MAP3K15: variants seen among roughly 807,000 people sequenced by gnomAD.
MAP3K15 encodes the protein MAPK/ERK kinase kinase 15.
MAP3K15 carries 124 observed loss-of-function variants against 99.5 expected under a neutral mutation model. That is an observed-to-expected ratio of 1.25 (90% confidence interval 1.08 to 1.45). The LOEUF (loss-of-function observed/expected upper bound fraction) is 1.45. Among genes scored for constraint, MAP3K15 ranks in the 40% most tolerant of loss-of-function variants. The pLI, the probability that MAP3K15 is intolerant of heterozygous loss-of-function variation, is 0.00. For missense variants in MAP3K15, 1,242 were observed against 1,079.7 expected (o/e 1.15, Z -2.11); for synonymous variants, 494 against 439.6 (o/e 1.12, Z -1.55).
At chrX:19,364,786 G>A (rs918946354) in intron 25 of MAP3K15, among the ~76,000 whole-genome samples, 2 of 108,858 alleles carry the variant, frequency 1.8e-5, no homozygotes, top group African/African-American at 6.8e-5. Flanking sequence ...CGAGTTACTT[G>A]GGAGGCTGAG....
intron 6 of MAP3K15, among the ~76,000 whole-genome samples, chrX:19,437,342 A>T (rs1336404456): frequency 8.9e-6 from 1 of 111,750 alleles, no homozygotes; most frequent in Non-Finnish European, 1.9e-5. Context: ...ATCTTAGAGC[A>T]AACACCAATT....
Position 19,514,929 on chromosome X carries a change from C to A in MAP3K15, c.333G>T (p.Thr111=), listed in dbSNP as rs1296145758. The A allele has an allele frequency of 3.5e-6, 4 of 1,144,189 alleles. No homozygotes were observed. In the South Asian group the frequency reaches 5.7e-5, roughly 16 times the overall value. 94.3% of individuals were successfully genotyped at this position (1,144,189 alleles called of 1,213,427 possible). ...CGTCGTAGAAGGCGTCGAGCACGGC[C>A]GTCTCCCCGAAGTCCAGCTCCCCGA... is the stretch of plus-strand genomic sequence containing the variant. The part of the protein sequence containing the change: ...VPFGELDFGE[T]AVLDAFYDAD... The change falls in exon 1 of 29, where the codon ACG becomes ACT. Residue 111 remains threonine (T), a synonymous_variant. Coordinates refer to ENST00000338883, the MANE Select transcript of MAP3K15 (RefSeq NM_001001671.4).
intron 6 of MAP3K15, among the ~76,000 whole-genome samples, chrX:19,433,819 AT>A (rs1569224173): frequency 8.9e-6 from 1 of 112,266 alleles, no homozygotes; most frequent in African/African-American, 3.2e-5. Context: ...TTTTTCAAGA[AT>A]TTTTTGAACA....
Position 19,371,066 on chromosome X carries a change from T to TAA in MAP3K15, c.3295-4_3295-3dup, listed in dbSNP as rs372545551. 150 of 902,150 alleles carry TAA rather than the reference T, an allele frequency of 1.7e-4. No individual in the cohort carries two copies. Among genetic ancestry groups the TAA allele is most frequent in the African/African-American group, 6.9e-4 (30 of 43,556 alleles). The allele number at this position is 902,150 out of a possible 1,213,427, so 74.3% of individuals were successfully genotyped here. Reference sequence around the variant, plus strand: ...GTGGTTCCTCAAAATTTTATTTACCTAAAAAAAAAAAAAATAATAAAATAA... The same window carrying TAA: ...GTGGTTCCTCAAAATTTTATTTACCTAAAAAAAAAAAAAAAATAATAAAATAA... On this transcript the variant is annotated splice_region_variant and splice_polypyrimidine_tract_variant and intron_variant, in intron 23 of 28. Coordinates refer to ENST00000338883, the MANE Select transcript of MAP3K15 (RefSeq NM_001001671.4).
intron 15 of MAP3K15, 41 bp from the exon 16 acceptor site, chrX:19,395,249 A>G (rs753331277): frequency 6.4e-5 from 76 of 1,181,257 alleles, no homozygotes; most frequent in Non-Finnish European, 8.0e-5. Flanking sequence ...GCCAAATCCC[A>G]GGGACTCTAG....
In MAP3K15 at chrX:19,459,932, C is replaced by A. The variant is rs112713756; in HGVS notation, c.888+53G>T. ...TACAAATACTTCACAAGACGTTCCT[C>A]AAGCCAAGGAAGAACGTAGCATACG... On this transcript the variant is annotated intron_variant, in intron 5 of 28. Coordinates refer to ENST00000338883, the MANE Select transcript of MAP3K15 (RefSeq NM_001001671.4). 3.2e-3 allele frequency: 3,170 copies of A among 1,005,713 alleles called. 70 individuals are homozygous for A. The African/African-American group carries it at 0.054, about 17-fold the overall frequency. 82.9% of individuals were successfully genotyped at this position (1,005,713 alleles called of 1,213,427 possible).
At chrX:19,434,747 A>C (rs1394291677) in intron 6 of MAP3K15, among the ~76,000 whole-genome samples, 1 of 111,973 alleles carries the variant, frequency 8.9e-6, no homozygotes, top group Non-Finnish European at 1.9e-5. Context: ...CTCATTCCGG[A>C]TGCAGAAGAG....
Position 19,514,920 on chromosome X carries a change from G to A in MAP3K15, c.342C>T (p.Leu114=), listed in dbSNP as rs752970003. ...TCTCACCTGCGTCGTAGAAGGCGTC[G>A]AGCACGGCCGTCTCCCCGAAGTCCA... ...GELDFGETAV[L]DAFYDADVAV... is the part of the protein sequence containing the mutation. Residue 114 remains leucine (L), a synonymous_variant, in exon 1 of 29, where the codon CTC becomes CTT. Coordinates refer to ENST00000338883, the MANE Select transcript of MAP3K15 (RefSeq NM_001001671.4). The A allele has an allele frequency of 8.0e-6, 9 of 1,130,930 alleles. No homozygotes were observed. The South Asian group carries it at 1.2e-4, about 14-fold the overall frequency. 93.2% of individuals were successfully genotyped at this position (1,130,930 alleles called of 1,213,427 possible).
intron 4 of MAP3K15, 51 bp downstream of exon 4, chrX:19,464,162 G>C: frequency 9.6e-7 from 1 of 1,038,662 alleles, no homozygotes; most frequent in East Asian, 3.1e-5. Context: ...TGAAAGAAAT[G>C]GGGACATCTT....
Position 19,369,156 on chromosome X carries a change from G to A in MAP3K15, c.3464C>T (p.Ala1155Val), listed in dbSNP as rs201603186. ...TEGVDKDMDE[A>V]EEGYPPATGP... is the part of the protein sequence containing the mutation. ...GGTGGCTGGGGGATAGCCCTCTTCC[G>A]CTTCATCCATGTCCTTATCTACCCC... The change falls in exon 25 of 29, where the codon GCG (alanine) becomes GTG (valine). Residue 1155 changes from alanine (A) to valine (V), a missense_variant. By Grantham distance (64) the Ala-to-Val change is moderately conservative. Transcript: ENST00000338883. 18 of 1,210,911 alleles carry A rather than the reference G, an allele frequency of 1.5e-5. No homozygotes were observed. The highest frequency in any genetic ancestry group is 1.1e-4 in the Admixed American group (5 of 45,965).
intron 16 of MAP3K15, among the ~76,000 whole-genome samples, chrX:19,394,728 A>G (rs1479017813): frequency 3.9e-5 from 4 of 102,603 alleles, no homozygotes; most frequent in African/African-American, 1.4e-4. Context: ...CAAACCAGAA[A>G]TAGACTGCTT....
rs770880492 is a variant in MAP3K15 at position 19,451,410 on chromosome X, T to C, written c.995+5503A>G. Among the ~76,000 whole-genome samples the C allele has an allele frequency of 2.8e-5, 3 of 105,728 alleles. 1 individual carries two copies. Among genetic ancestry groups the C allele is most frequent in the Non-Finnish European group, 3.9e-5 (2 of 50,810 alleles). 91.8% of individuals were successfully genotyped at this position (105,728 alleles called of 115,157 possible). A position where few individuals can be genotyped will look rare whatever the true frequency, so the allele number is the denominator to read the frequency against. ...TATAGGAAAACAGTTACAAATTGTA[T>C]ATTTGATCGGGAGTCAATAGCCAGA... is the stretch of plus-strand genomic sequence containing the variant. On this transcript the variant is annotated intron_variant, in intron 6 of 28. Transcript: ENST00000338883.
At chrX:19,395,443 T>C (rs980155888) in intron 15 of MAP3K15, among the ~76,000 whole-genome samples, 1 of 111,686 alleles carries the variant, frequency 9.0e-6, no homozygotes, top group Non-Finnish European at 1.9e-5. Context: ...CTTAGTGGAG[T>C]AGCTGGTGTG....
intron 3 of MAP3K15, among the ~76,000 whole-genome samples, chrX:19,474,258 C>T (rs781292247): frequency 1.8e-5 from 2 of 111,148 alleles, no homozygotes; most frequent in East Asian, 5.7e-4. Flanking sequence ...AATATAGAAA[C>T]AAAGTATCAT....
rs1019005242 is a variant in MAP3K15, at chrX:19,451,161, G to A, written c.995+5752C>T. Among the ~76,000 whole-genome samples, 43 of 106,253 alleles carry A rather than the reference G, an allele frequency of 4.0e-4. 3 individuals carry two copies. The highest frequency in any genetic ancestry group is 5.3e-4 in the Non-Finnish European group (27 of 50,803). The allele number at this position is 106,253 out of a possible 115,157, so 92.3% of individuals were successfully genotyped here. ...ATTAGCTGGCGTGGTGGTGGGTGCC[G>A]GTAATCCCAGCTACTCGGGAGGCTG... On this transcript the variant is annotated intron_variant, in intron 6 of 28. Transcript: ENST00000338883.
chrX:19,373,788 G>T, intron 20 of MAP3K15, 93 bp from the exon 21 acceptor site: 1 of 957,723 alleles, frequency 1.0e-6, no homozygotes, highest in Non-Finnish European at 1.4e-6. Flanking sequence ...CAGGTGAACC[G>T]CCCAGGCACC....
chrX:19,382,722 C>T (rs965140820), intron 18 of MAP3K15, among the ~76,000 whole-genome samples: 4 of 111,467 alleles, frequency 3.6e-5, no homozygotes, highest in African/African-American at 1.3e-4. Flanking sequence ...ATCCCAGAGC[C>T]CCAAGAAGGG....
intron 1 of MAP3K15, 72 bp from the exon 2 acceptor site, chrX:19,489,039 C>G: frequency 2.1e-6 from 2 of 975,491 alleles, no homozygotes; most frequent in Non-Finnish European, 2.8e-6. Flanking sequence ...TGGTGATCAC[C>G]AGTGAGGAGC....
intron 1 of MAP3K15, among the ~76,000 whole-genome samples, chrX:19,489,873 T>TA (rs779557848): frequency 1.4e-4 from 15 of 110,184 alleles, no homozygotes; most frequent in African/African-American, 4.6e-4. Context: ...CCGTCTCTAC[T>TA]AAAAATACAA....
Sources: gnomAD v4.1 joint callset for allele counts (sites outside exome capture counted in the v4.1 genomes callset) on GRCh38, gnomAD v4.1.1 for gene constraint, MANE v1.5 for transcripts, NCBI Gene and HGNC (gene_info 2026-07-23, HGNC 2026-07-21) for gene names.